The following PTPRD variants were observed in gnomAD, a reference collection of about 807,000 sequenced individuals.
PTPRD encodes the protein receptor-type tyrosine-protein phosphatase delta.
In PTPRD, 34 loss-of-function variants were observed where a neutral mutation model predicts 214.5. That is an observed-to-expected ratio of 0.16 (90% CI 0.12 to 0.21). The LOEUF (loss-of-function observed/expected upper bound fraction) is 0.21, where lower values mean the gene tolerates loss of function less well. Among genes scored for constraint, PTPRD ranks in the 10% least tolerant of loss-of-function variants. The probability of loss-of-function intolerance (pLI) is 1.00; values close to 1 mark genes in which losing one functional copy is unlikely to be tolerated. For synonymous variants in PTPRD, 1,128 were observed against 845.7 expected (o/e 1.33, Z -5.79); for missense variants, 2,545 against 2,398.7 (o/e 1.06, Z -1.27).
chr9:9,777,648 C>A (rs1046369447), intron 5 of PTPRD, among the ~76,000 whole-genome samples: 3 of 152,132 alleles, frequency 2.0e-5, no homozygotes, highest in Non-Finnish European at 4.4e-5. Flanking sequence ...AGTGAGCCAT[C>A]ATCACATCAC....
At chr9:9,018,554 G>A (rs563765894) in intron 11 of PTPRD, 143 bp downstream of exon 11, 5 of 152,130 alleles carry the variant, frequency 3.3e-5, no homozygotes, top group South Asian at 2.1e-4. Context: ...AGTGTTGAAC[G>A]TTCACTTTTA....
At chr9:9,981,953 C>G (rs2095556896) in intron 4 of PTPRD, among the ~76,000 whole-genome samples, 1 of 152,088 alleles carries the variant, frequency 6.6e-6, no homozygotes, top group South Asian at 2.1e-4. Context: ...TACATTACCA[C>G]AGGGCATGAC....
intron 11 of PTPRD, among the ~76,000 whole-genome samples, chr9:8,761,225 G>A (rs2094394269): frequency 6.6e-6 from 1 of 152,138 alleles, no homozygotes; most frequent in African/African-American, 2.4e-5. Flanking sequence ...AGGCAAAAAG[G>A]CAATTATCAA....
intron 8 of PTPRD, among the ~76,000 whole-genome samples, chr9:9,556,734 GT>G (rs2081608785): frequency 6.6e-6 from 1 of 152,172 alleles, no homozygotes; most frequent in Admixed American, 6.5e-5. Flanking sequence ...AGATGATCAA[GT>G]TACATCCAAA....
intron 5 of PTPRD, among the ~76,000 whole-genome samples, chr9:9,846,921 A>G (rs748253040): frequency 3.8e-4 from 58 of 152,122 alleles, no homozygotes; most frequent in Non-Finnish European, 7.8e-4. Context: ...CTTGAACAGA[A>G]CTGGAGTGAC....
chr9:9,041,604 C>A (rs540518153), intron 10 of PTPRD, among the ~76,000 whole-genome samples: 1 of 152,212 alleles, frequency 6.6e-6, no homozygotes, highest in Admixed American at 6.5e-5. Context: ...CCTTCATTTT[C>A]TTTAATAAGG....
At chr9:9,622,628 A>G (rs1045597246) in intron 7 of PTPRD, among the ~76,000 whole-genome samples, 6 of 152,228 alleles carry the variant, frequency 3.9e-5, no homozygotes, top group East Asian at 3.8e-4. Flanking sequence ...GTAAGTTCTG[A>G]TCATTGCTGG....
At chr9:8,903,357 C>T (rs10977348) in intron 11 of PTPRD, among the ~76,000 whole-genome samples, 51,866 of 151,932 alleles carry the variant, frequency 0.34, 10,418 homozygotes, top group Non-Finnish European at 0.45. Flanking sequence ...AAGAAAAGGT[C>T]CATGATTGGT....
In PTPRD at chr9:10,389,079, A is replaced by G. The variant is rs572238722; in HGVS notation, c.-599-48062T>C. Among the ~76,000 whole-genome samples, 4 of 152,004 alleles carry G rather than the reference A, an allele frequency of 2.6e-5. No homozygotes were observed. The East Asian group carries it at 7.8e-4, about 30-fold the overall frequency. ...TATGTCAGAGAAATGGAACGTGGCCAAAGATTTTCAAATAATTGTGTAAAA... is the reference window on the plus strand; with the variant it reads ...TATGTCAGAGAAATGGAACGTGGCCGAAGATTTTCAAATAATTGTGTAAAA... On this transcript the variant is annotated intron_variant, in intron 2 of 45. Coordinates refer to ENST00000381196, the MANE Select transcript of PTPRD (RefSeq NM_002839.4).
intron 8 of PTPRD, among the ~76,000 whole-genome samples, chr9:9,492,656 C>A (rs1261689912): frequency 6.6e-6 from 1 of 151,514 alleles, no homozygotes; most frequent in African/African-American, 2.4e-5. Flanking sequence ...AGTATTCCAA[C>A]ATAATAAAAG....
At chr9:10,245,751 G>T (rs1595218550) in intron 3 of PTPRD, among the ~76,000 whole-genome samples, 1 of 152,130 alleles carries the variant, frequency 6.6e-6, no homozygotes, top group Admixed American at 6.6e-5. Flanking sequence ...TTGGGACAGG[G>T]GGAAGACAGA....
chr9:10,140,088 T>G (rs2098972760), intron 3 of PTPRD, among the ~76,000 whole-genome samples: 1 of 152,102 alleles, frequency 6.6e-6, no homozygotes, highest in South Asian at 2.1e-4. Flanking sequence ...TTTCTCTTGA[T>G]GTGAAGAAGC....
intron 11 of PTPRD, among the ~76,000 whole-genome samples, chr9:8,775,676 C>T (rs955191387): frequency 6.6e-6 from 1 of 152,056 alleles, no homozygotes. Context: ...AATTATAAAC[C>T]ACTAATTTCT....
chr9:9,519,648 G>A (rs1391969617), intron 8 of PTPRD, among the ~76,000 whole-genome samples: 2 of 151,714 alleles, frequency 1.3e-5, no homozygotes, highest in South Asian at 2.1e-4. Flanking sequence ...CATAACAAAA[G>A]GTATGCAAAA....
At chr9:9,790,975 C>T (rs963979624) in intron 5 of PTPRD, among the ~76,000 whole-genome samples, 7 of 152,100 alleles carry the variant, frequency 4.6e-5, no homozygotes, top group Non-Finnish European at 7.4e-5. Context: ...TGGTTCAGTA[C>T]ATATCATAAA....
intron 14 of PTPRD, among the ~76,000 whole-genome samples, chr9:8,591,363 C>A (rs1487200695): frequency 6.6e-6 from 1 of 152,120 alleles, no homozygotes; most frequent in Non-Finnish European, 1.5e-5. Context: ...TTGCTCCTGC[C>A]TGTGAATGGT....
At chr9:9,264,016 AGTTT>A (rs1192904722) in intron 9 of PTPRD, among the ~76,000 whole-genome samples, 5 of 151,690 alleles carry the variant, frequency 3.3e-5, no homozygotes, top group African/African-American at 1.2e-4. Context: ...AACCCTAACC[AGTTT>A]GTTTGGTGAA....
chr9:8,911,151 G>T (rs1453260748), intron 11 of PTPRD, among the ~76,000 whole-genome samples: 1 of 152,122 alleles, frequency 6.6e-6, no homozygotes, highest in African/African-American at 2.4e-5. Flanking sequence ...ATCTAAAATA[G>T]CCAAAAAATT....
chr9:9,893,396 A>C (rs911321415), intron 5 of PTPRD, among the ~76,000 whole-genome samples: 1 of 152,120 alleles, frequency 6.6e-6, no homozygotes, highest in Non-Finnish European at 1.5e-5. Flanking sequence ...CTCACATGCA[A>C]TGACACACAT....
Sources: allele counts gnomAD v4.1 joint callset (sites outside exome capture counted in the v4.1 genomes callset), GRCh38; gene constraint gnomAD v4.1.1; transcripts MANE v1.5; gene names NCBI Gene and HGNC (gene_info 2026-07-23, HGNC 2026-07-21).